GRAMD4: variants seen among roughly 807,000 people sequenced by gnomAD.
GRAMD4 encodes GRAM domain-containing protein 4.
A neutral mutation model predicts 83.9 loss-of-function variants in GRAMD4; 25 were observed. That is an observed-to-expected ratio of 0.30 (90% confidence interval 0.22 to 0.42). The LOEUF is 0.42. Ranked by LOEUF, GRAMD4 falls within the 10% of genes least tolerant of loss-of-function variation. GRAMD4 has a pLI of 1.00. For synonymous variants in GRAMD4, 336 were observed against 320.9 expected, an observed-to-expected ratio of 1.05 and a Z score of -0.50; for missense variants, 593 against 788.7, an observed-to-expected ratio of 0.75 and a Z score of 2.97.
intron 3 of GRAMD4, among the ~76,000 whole-genome samples, chr22:46,650,298 C>T (rs946664286): frequency 2.0e-5 from 3 of 151,748 alleles, no homozygotes; most frequent in African/African-American, 7.3e-5. Flanking sequence ...AGTAACTTCC[C>T]TGTGCGCTGA....
rs1041625555 is a variant in GRAMD4 at position 46,622,536 on chromosome 22, G to T, written c.-50+1971G>T. 2.0e-5 allele frequency among the ~76,000 whole-genome samples: 3 copies of T among 152,186 alleles called. No homozygotes were observed. Among genetic ancestry groups the T allele is most frequent in the Non-Finnish European group, 2.9e-5 (2 of 68,040 alleles). On this transcript the variant is annotated intron_variant, in intron 1 of 18. Coordinates refer to ENST00000406902, the MANE Select transcript of GRAMD4 (RefSeq NM_015124.5). This position sits in a 1 kb window ranked among gnomAD's most constrained non-coding sequence, Gnocchi z 4.0. Reference sequence around the variant, plus strand: ...CATGGGAGTTCCTATTCAGTGAGCAGAGTTTCAGTTAGACAAGACGAGTCC... The same window carrying T: ...CATGGGAGTTCCTATTCAGTGAGCATAGTTTCAGTTAGACAAGACGAGTCC...
chr22:46,676,510 C>A (rs2082600625), intron 17 of GRAMD4, 90 bp from the exon 18 acceptor site: 8 of 1,163,114 alleles, frequency 6.9e-6, no homozygotes, highest in Non-Finnish European at 1.2e-6. Flanking sequence ...CCTGTGTGCC[C>A]AGTGGAGGAG....
intron 3 of GRAMD4, among the ~76,000 whole-genome samples, chr22:46,649,928 C>T (rs975997397): frequency 6.6e-6 from 1 of 152,166 alleles, no homozygotes; most frequent in East Asian, 1.9e-4. Flanking sequence ...AACTTGCAGC[C>T]TGGTGATTCG....
chr22:46,677,031 C>A, intron 18 of GRAMD4, 116 bp from the exon 19 acceptor site: 1 of 1,249,110 alleles, frequency 8.0e-7, no homozygotes. Context: ...TCTTTTGCAC[C>A]CAGACCCACG....
intron 3 of GRAMD4, among the ~76,000 whole-genome samples, chr22:46,656,796 T>G (rs3859892): frequency 0.33 from 49,660 of 152,148 alleles, 8,214 homozygotes; most frequent in Middle Eastern, 0.43. Flanking sequence ...CAGCAAACGC[T>G]CTTCTCCTGC....
downstream of GRAMD4, among the ~76,000 whole-genome samples, chr22:46,680,850 C>A (rs901581382): frequency 1.1e-5 from 1 of 90,316 alleles, no homozygotes; most frequent in Non-Finnish European, 2.1e-5. Flanking sequence ...ATCCATCCAT[C>A]TTTCCACCCA....
In GRAMD4 at chr22:46,635,503, C is replaced by T. The variant is rs192496091; in HGVS notation, c.163-2337C>T. Among the ~76,000 whole-genome samples, 33 of 65,706 alleles carry T rather than the reference C, an allele frequency of 5.0e-4. 1 individual carries two copies. Among genetic ancestry groups the T allele is most frequent in the Non-Finnish European group, 6.4e-4 (22 of 34,138 alleles). 43.1% of individuals were successfully genotyped at this position (65,706 alleles called of 152,430 possible). ...CCTGGCCACTCCTGTCCTGGGAGGC[C>T]CTATCCTCCCTGCCCCCGCCCCCGG... On this transcript the variant is annotated intron_variant, in intron 2 of 18. Transcript: ENST00000406902.
intron 5 of GRAMD4, among the ~76,000 whole-genome samples, chr22:46,662,448 G>A (rs549478218): frequency 2.6e-5 from 4 of 152,254 alleles, no homozygotes; most frequent in Admixed American, 6.5e-5. Context: ...CCGGTTTCCC[G>A]CCGTGGAGGC....
intron 1 of GRAMD4, among the ~76,000 whole-genome samples, chr22:46,581,852 G>C (rs1203151326): frequency 6.6e-6 from 1 of 152,192 alleles, no homozygotes; most frequent in Non-Finnish European, 1.5e-5. Flanking sequence ...GTGTGTTCTT[G>C]GGCAAGACAC....
intron 1 of GRAMD4, among the ~76,000 whole-genome samples, chr22:46,593,350 C>T (rs985778734): frequency 1.3e-5 from 2 of 152,042 alleles, no homozygotes; most frequent in Non-Finnish European, 2.9e-5. Context: ...GAGAGACATC[C>T]CCATTTCTGC....
At chr22:46,587,549 G>T (rs1245564178) in intron 1 of GRAMD4, among the ~76,000 whole-genome samples, 8 of 151,880 alleles carry the variant, frequency 5.3e-5, no homozygotes, top group Admixed American at 2.0e-4. Flanking sequence ...AAGGCTTGAG[G>T]GGGAGGGCCT....
chr22:46,589,498 G>A (rs2081185424), intron 1 of GRAMD4, among the ~76,000 whole-genome samples: 1 of 151,902 alleles, frequency 6.6e-6, no homozygotes, highest in Non-Finnish European at 1.5e-5. Flanking sequence ...GAGAAGGTGA[G>A]TGGGTGGCCC....
At chr22:46,587,579 C>T (rs1031994250) in intron 1 of GRAMD4, among the ~76,000 whole-genome samples, 2 of 151,960 alleles carry the variant, frequency 1.3e-5, no homozygotes, top group African/African-American at 4.8e-5. Context: ...GCATACCTGG[C>T]AGGCAGCCCA....
chr22:46,630,029 T>C (rs149517373), intron 2 of GRAMD4, among the ~76,000 whole-genome samples: 170 of 152,028 alleles, frequency 1.1e-3, no homozygotes, highest in African/African-American at 4.1e-3. Context: ...CTTTTTCTTA[T>C]TCTTTTTTTT....
At chr22:46,625,072 A>G (rs927383626) in intron 1 of GRAMD4, among the ~76,000 whole-genome samples, 7 of 151,888 alleles carry the variant, frequency 4.6e-5, no homozygotes, top group South Asian at 2.1e-4. Flanking sequence ...GTGTCAGCCA[A>G]GATGGTCTCA....
At chr22:46,600,487 G>A (rs1294834436) in intron 1 of GRAMD4, among the ~76,000 whole-genome samples, 2 of 152,212 alleles carry the variant, frequency 1.3e-5, no homozygotes, top group African/African-American at 4.8e-5. Flanking sequence ...CAGAGCATGT[G>A]ATTGGCAGCC....
chr22:46,601,212 C>T (rs1054591852), intron 1 of GRAMD4, among the ~76,000 whole-genome samples: 1 of 152,034 alleles, frequency 6.6e-6, no homozygotes, highest in Non-Finnish European at 1.5e-5. Context: ...TGTAGCTCTC[C>T]TCGGGGTGTG....
Position 46,665,599 on chromosome 22 carries a change from T to G in GRAMD4, c.718-16T>G, listed in dbSNP as rs777674065. Reference sequence around the variant, plus strand: ...CAAGCTGTCAGGAGGTCTGACGCCCTGTCTCTCACCCGCAGGTGTACATGA... The same window carrying G: ...CAAGCTGTCAGGAGGTCTGACGCCCGGTCTCTCACCCGCAGGTGTACATGA... On this transcript the variant is annotated splice_polypyrimidine_tract_variant and intron_variant, in intron 8 of 18. Transcript: ENST00000406902. 1.3e-5 allele frequency: 19 copies of G among 1,439,154 alleles called. No homozygotes were observed. The Middle Eastern group carries it at 5.8e-4, about 44-fold the overall frequency. The allele number at this position is 1,439,154 out of a possible 1,614,324, so 89.1% of individuals were successfully genotyped here.
At position 46,672,759 on chromosome 22, in the gene GRAMD4, TG is replaced by T; in HGVS notation, c.1085-81del. The T allele has an allele frequency of 9.3e-7, 1 of 1,075,844 alleles. No individual in the cohort carries two copies. Among genetic ancestry groups the T allele is most frequent in the Non-Finnish European group, 1.4e-6 (1 of 724,410 alleles). 66.6% of individuals were successfully genotyped at this position (1,075,844 alleles called of 1,614,324 possible). ...GGGTGGAGGGTGCCAATCTGGGAGGTGGGAGGTGCCGGAACCATCACCCTGA... is the reference window on the plus strand; with the variant it reads ...GGGTGGAGGGTGCCAATCTGGGAGGTGGAGGTGCCGGAACCATCACCCTGA... On this transcript the variant is annotated intron_variant, in intron 13 of 18. Transcript: ENST00000406902. This position sits in a 1 kb window ranked among gnomAD's most constrained non-coding sequence, Gnocchi z 4.7.
Sources: gnomAD v4.1 joint callset for allele counts (sites outside exome capture counted in the v4.1 genomes callset) on GRCh38, gnomAD v4.1.1 for gene constraint, Gnocchi (gnomAD v3.1) non-coding constraint, MANE v1.5 for transcripts, NCBI Gene and HGNC (gene_info 2026-07-23, HGNC 2026-07-21) for gene names.